FNBP4: variants seen among roughly 807,000 people sequenced by gnomAD.
The protein encoded by FNBP4 is formin-binding protein 4.
In FNBP4, 34 loss-of-function variants were observed where a neutral mutation model predicts 119.3. That is an observed-to-expected ratio of 0.28 (90% CI 0.22 to 0.38). The LOEUF is 0.38. Ranked by LOEUF, FNBP4 falls within the 10% of genes least tolerant of loss-of-function variation. The pLI is 1.00. For missense variants in FNBP4, 1,112 were observed against 1,228.9 expected (o/e 0.90, Z 1.42); for synonymous variants, 462 against 430.6 (o/e 1.07, Z -0.90).
intron 4 of FNBP4, 148 bp downstream of exon 4, chr11:47,752,768 C>A (rs915827544): frequency 1.8e-5 from 12 of 661,596 alleles, no homozygotes; most frequent in Admixed American, 2.9e-5. Flanking sequence ...GAGCCAAGAT[C>A]GCGCCAGTGC....
In FNBP4 at chr11:47,746,266, T is replaced by C. The variant is rs1164376842; in HGVS notation, c.1035A>G (p.Val345=). 6.2e-7 allele frequency: 1 copy of C among 1,614,194 alleles called. No individual in the cohort carries two copies. The highest frequency in any genetic ancestry group is 1.7e-5 in the Admixed American group (1 of 60,008). ...CTGAAACTGGCTCCTCTTTACAAAT[T>C]ACTTTTCTTCTCCATCTCTCTTCTT... The part of the protein sequence containing the change: ...KEEEERWRRK[V]ICKEEPVSEV... Residue 345 remains valine (V), a synonymous_variant, in exon 7 of 17, where the codon GTA becomes GTG. Transcript: ENST00000263773.
intron 10 of FNBP4, among the ~76,000 whole-genome samples, chr11:47,733,505 T>C (rs764494770): frequency 6.6e-6 from 1 of 152,072 alleles, no homozygotes; most frequent in Admixed American, 6.5e-5. Flanking sequence ...CCGGCTAATT[T>C]TGTATTTTTA....
intron 3 of FNBP4, among the ~76,000 whole-genome samples, chr11:47,754,138 G>A (rs2097610595): frequency 6.6e-6 from 1 of 151,662 alleles, no homozygotes; most frequent in African/African-American, 2.4e-5. Context: ...GAACCCAGGA[G>A]ACAGGTTGCG....
intron 15 of FNBP4, 85 bp from the exon 16 acceptor site, chr11:47,720,171 C>A: frequency 7.6e-7 from 1 of 1,314,074 alleles, no homozygotes; most frequent in Non-Finnish European, 1.0e-6. Context: ...GGATCCTTTT[C>A]CCAGTTCTAA....
intron 14 of FNBP4, 34 bp downstream of exon 14, chr11:47,723,994 C>T: frequency 6.3e-7 from 1 of 1,588,068 alleles, no homozygotes; most frequent in South Asian, 1.2e-5. Context: ...AGAAACAATA[C>T]ATTGAGGAAA....
intron 11 of FNBP4, 89 bp from the exon 12 acceptor site, chr11:47,731,650 C>G: frequency 6.6e-7 from 1 of 1,510,632 alleles, no homozygotes; most frequent in Non-Finnish European, 8.8e-7. Context: ...CAGCAGTCTG[C>G]TTTCACAGGG....
intron 15 of FNBP4, among the ~76,000 whole-genome samples, chr11:47,721,366 TG>T (rs753924261): frequency 6.6e-6 from 1 of 151,942 alleles, no homozygotes; most frequent in Non-Finnish European, 1.5e-5. Flanking sequence ...CCAAGGTGGG[TG>T]GATCACTTGA....
chr11:47,727,676 G>C (rs1204163647), intron 12 of FNBP4, among the ~76,000 whole-genome samples: 1 of 152,038 alleles, frequency 6.6e-6, no homozygotes, highest in Non-Finnish European at 1.5e-5. Context: ...CTCCAACTAA[G>C]TTTATTCAAA....
intron 12 of FNBP4, chr11:47,729,131 C>A (rs1439533143): frequency 1.0e-6 from 1 of 981,462 alleles, no homozygotes; most frequent in Non-Finnish European, 1.2e-6. Context: ...GGATTACAGG[C>A]ATGAGCCACT....
At chr11:47,754,467 T>A in intron 3 of FNBP4, 61 bp downstream of exon 3, 1 of 1,573,890 alleles carries the variant, frequency 6.4e-7, no homozygotes, top group Non-Finnish European at 8.7e-7. Context: ...CGCTGACCAC[T>A]TAAGATCCAG....
At chr11:47,765,406 A>AAAGAG (rs749557980) in intron 1 of FNBP4, 44 bp from the exon 2 acceptor site, 686 of 1,377,282 alleles carry the variant, frequency 5.0e-4, no homozygotes, top group Non-Finnish European at 6.3e-4. Flanking sequence ...AAAGAAAAGA[A>AAAGAG]AAGAAAAGAA....
At chr11:47,762,938 G>A (rs2097639120) in intron 2 of FNBP4, among the ~76,000 whole-genome samples, 1 of 140,892 alleles carries the variant, frequency 7.1e-6, no homozygotes, top group Non-Finnish European at 1.5e-5. Flanking sequence ...GAGTCTCTCT[G>A]CTGCCTAGGC....
Position 47,763,215 on chromosome 11 carries a change from G to A in FNBP4, c.313+2055C>T, listed in dbSNP as rs550873282. Among the ~76,000 whole-genome samples the A allele has an allele frequency of 2.0e-4, 30 of 152,114 alleles. No individual in the cohort carries two copies. In the East Asian group the frequency reaches 2.2e-3, roughly 11 times the overall value. The stretch of plus-strand genomic sequence containing the variant: ...GTGGTGGCTCAGACCTGTGATCACC[G>A]CACTTTGGGAGTCCAAGGCGGGTGG... On this transcript the variant is annotated intron_variant, in intron 2 of 16. Coordinates refer to ENST00000263773, the MANE Select transcript of FNBP4 (RefSeq NM_015308.5).
At position 47,723,080 on chromosome 11, in the gene FNBP4, T is replaced by A; in HGVS notation, c.2701A>T (p.Thr901Ser). 1 of 1,611,212 alleles carries A rather than the reference T, an allele frequency of 6.2e-7. No individual in the cohort carries two copies. Among genetic ancestry groups the A allele is most frequent in the Non-Finnish European group, 8.5e-7 (1 of 1,178,756 alleles). ...VQARGAVPTATIIEPPPPPPP... is the reference protein window; with the variant it reads ...VQARGAVPTASIIEPPPPPPP... ...GGTGGTGGTGGTGGTTCTATAATGG[T>A]AGCGGTAGGCACAGCACCTCGGGCC... The change falls in exon 15 of 17, where the codon ACC becomes TCC. Residue 901 changes from threonine (T) to serine (S), a missense_variant. Physicochemically the swap from Thr to Ser is moderately conservative, Grantham distance 58. Transcript: ENST00000263773.
chr11:47,763,966 C>A (rs1042074041), intron 2 of FNBP4, among the ~76,000 whole-genome samples: 2 of 152,004 alleles, frequency 1.3e-5, no homozygotes, highest in African/African-American at 2.4e-5. Context: ...CTTGAATGTG[C>A]CCCTAAAAAG....
chr11:47,766,833 C>T (rs1313899006), intron 1 of FNBP4, among the ~76,000 whole-genome samples: 1 of 152,196 alleles, frequency 6.6e-6, no homozygotes, highest in Non-Finnish European at 1.5e-5. Context: ...TCAAACGTTC[C>T]CGGGGCAAGC....
intron 6 of FNBP4, among the ~76,000 whole-genome samples, chr11:47,748,883 G>A (rs1232718993): frequency 6.6e-6 from 1 of 152,102 alleles, no homozygotes; most frequent in Non-Finnish European, 1.5e-5. Flanking sequence ...CTAACCTCAA[G>A]TGATCCGCCT....
intron 2 of FNBP4, among the ~76,000 whole-genome samples, chr11:47,762,917 AAAAAAAAAAAG>A (rs2097639010): frequency 1.3e-5 from 2 of 149,706 alleles, no homozygotes; most frequent in South Asian, 2.1e-4. Flanking sequence ...AAAAAAAAAA[AAAAAAAAAAAG>A]AGTCTCTCTG....
At chr11:47,756,932 T>C (rs1243726108) in intron 2 of FNBP4, among the ~76,000 whole-genome samples, 2 of 152,174 alleles carry the variant, frequency 1.3e-5, no homozygotes, top group African/African-American at 2.4e-5. Context: ...ATTTTCTTAA[T>C]CCAGTCTATC....
Sources: gnomAD v4.1 joint callset for allele counts (sites outside exome capture counted in the v4.1 genomes callset) on GRCh38, gnomAD v4.1.1 for gene constraint, MANE v1.5 for transcripts, NCBI Gene and HGNC (gene_info 2026-07-23, HGNC 2026-07-21) for gene names.